Variants in SLC2A9 observed in about 807,000 individuals in gnomAD.
SLC2A9 encodes the protein solute carrier family 2, facilitated glucose transporter member 9.
In SLC2A9, 39 loss-of-function variants were observed where a neutral mutation model predicts 50.6. That is an observed-to-expected ratio of 0.77 (90% CI 0.60 to 1.01). The LOEUF (loss-of-function observed/expected upper bound fraction) is 1.01. Among genes scored for constraint, SLC2A9 ranks in the 50% least tolerant of loss-of-function variants. The probability of loss-of-function intolerance (pLI) is 0.00; values close to 1 mark genes in which losing one functional copy is unlikely to be tolerated. For missense variants in SLC2A9, 686 were observed against 677.6 expected, an observed-to-expected ratio of 1.01 and a Z score of -0.14; for synonymous variants, 324 against 276.9, an observed-to-expected ratio of 1.17 and a Z score of -1.69.
intron 3 of SLC2A9, among the ~76,000 whole-genome samples, chr4:9,810,858 T>C (rs887340780): frequency 6.6e-6 from 1 of 152,228 alleles, no homozygotes; most frequent in African/African-American, 2.4e-5. Context: ...CAATGCCCTT[T>C]GACACCCTGA....
intron 4 of SLC2A9, among the ~76,000 whole-genome samples, chr4:9,982,189 A>T (rs765163708): frequency 1.3e-5 from 2 of 152,212 alleles, no homozygotes; most frequent in Non-Finnish European, 2.9e-5. Flanking sequence ...CCGGCTTTAA[A>T]TTCTTTATTA....
intron 11 of SLC2A9, among the ~76,000 whole-genome samples, chr4:9,829,708 A>G (rs1725747776): frequency 6.6e-6 from 1 of 152,206 alleles, no homozygotes; most frequent in South Asian, 2.1e-4. Context: ...CAAAGGACAC[A>G]CACAGATGCT....
intron 3 of SLC2A9, 135 bp from the exon 4 acceptor site, chr4:9,985,928 GGCCT>G: frequency 4.0e-6 from 5 of 1,261,148 alleles, no homozygotes; most frequent in Non-Finnish European, 4.5e-6. Context: ...AGGGAGCACT[GGCCT>G]TGCCACCTCT....
rs548964262 is a variant in SLC2A9 at position 9,820,201 on chromosome 4, T to C, written n.420+6219A>G. ...AGATATAGGTTGGAGTTTATTTTCTTAAACTATTTCAGAACCATTGTAGAA... is the reference window on the plus strand; with the variant it reads ...AGATATAGGTTGGAGTTTATTTTCTCAAACTATTTCAGAACCATTGTAGAA... On this transcript the variant is annotated intron_variant and non_coding_transcript_variant, in intron 3 of 3. Coordinates refer to the SLC2A9 transcript ENST00000503280. 2.6e-5 allele frequency among the ~76,000 whole-genome samples: 4 copies of C among 152,360 alleles called. No individual in the cohort carries two copies. The South Asian group carries it at 8.3e-4, about 32-fold the overall frequency.
chr4:9,975,897 C>T (rs1025948466), intron 5 of SLC2A9, among the ~76,000 whole-genome samples: 1 of 152,132 alleles, frequency 6.6e-6, no homozygotes, highest in African/African-American at 2.4e-5. Flanking sequence ...ACACATACAC[C>T]GTAGAATACT....
intron 10 of SLC2A9, among the ~76,000 whole-genome samples, chr4:9,836,088 C>CAAAAA (rs35303241): frequency 0.023 from 1,085 of 48,066 alleles, 20 homozygotes; most frequent in East Asian, 0.06. Context: ...AACTCCCTCT[C>CAAAAA]AAAAAAAAAA....
rs118093098 is a variant in SLC2A9, at chr4:9,908,995, T to C, written c.1003-650A>G. Among the ~76,000 whole-genome samples, 574 of 152,316 alleles carry C rather than the reference T, an allele frequency of 3.8e-3. 4 individuals are homozygous for C. Among genetic ancestry groups the C allele is most frequent in the South Asian group, 0.016 (79 of 4,826 alleles). On this transcript the variant is annotated intron_variant, in intron 7 of 11. Transcript: ENST00000264784. ...TTACTAGGTGACTTCAGAACAGCACTGCCATTAACCTCCATCGTAACTTTA... is the reference window on the plus strand; with the variant it reads ...TTACTAGGTGACTTCAGAACAGCACCGCCATTAACCTCCATCGTAACTTTA...
intron 5 of SLC2A9, among the ~76,000 whole-genome samples, chr4:9,954,553 G>A (rs1184557938): frequency 6.6e-6 from 1 of 152,222 alleles, no homozygotes; most frequent in Non-Finnish European, 1.5e-5. Flanking sequence ...TACATGCAGG[G>A]GGTGAGACCT....
chr4:9,861,010 A>G (rs1437875804), intron 10 of SLC2A9, among the ~76,000 whole-genome samples: 3 of 152,056 alleles, frequency 2.0e-5, no homozygotes, highest in East Asian at 3.9e-4. Context: ...CATTTTCTCC[A>G]TCATTCTCCT....
intron 10 of SLC2A9, among the ~76,000 whole-genome samples, chr4:9,872,200 C>T (rs1733553320): frequency 6.6e-6 from 1 of 152,106 alleles, no homozygotes; most frequent in African/African-American, 2.4e-5. Context: ...GGGACTTGTC[C>T]AACTTACTGT....
In SLC2A9 at chr4:9,963,117, G is replaced by A. The variant is rs184843205; in HGVS notation, c.681+17475C>T. ...TCTCACAATCATGGCCAAAGGCAAAGAAGGAGCAAAGTCACATGTTGCAAT... is the reference window on the plus strand; with the variant it reads ...TCTCACAATCATGGCCAAAGGCAAAAAAGGAGCAAAGTCACATGTTGCAAT... On this transcript the variant is annotated intron_variant, in intron 5 of 11. Transcript: ENST00000264784. 2.6e-3 allele frequency among the ~76,000 whole-genome samples: 402 copies of A among 152,298 alleles called. 1 individual carries two copies. The highest frequency in any genetic ancestry group is 3.1e-3 in the Non-Finnish European group (210 of 68,034).
chr4:9,945,287 G>A (rs115770226), intron 5 of SLC2A9, among the ~76,000 whole-genome samples: 2,680 of 152,322 alleles, frequency 0.018, 70 homozygotes, highest in African/African-American at 0.06. Context: ...TCTGTAAAAT[G>A]GGGACAGTGA....
At chr4:9,944,266 T>C (rs1232151464) in intron 5 of SLC2A9, among the ~76,000 whole-genome samples, 1 of 152,228 alleles carries the variant, frequency 6.6e-6, no homozygotes, top group Non-Finnish European at 1.5e-5. Context: ...TCCATGGCTC[T>C]TGGACTTGGC....
chr4:10,009,906 C>G (rs3796835), intron 2 of SLC2A9, among the ~76,000 whole-genome samples: 1 of 152,146 alleles, frequency 6.6e-6, no homozygotes, highest in African/African-American at 2.4e-5. Flanking sequence ...CAGTAGACAA[C>G]TGTATAATAA....
At chr4:9,863,361 G>T (rs1469786701) in intron 10 of SLC2A9, among the ~76,000 whole-genome samples, 1 of 151,862 alleles carries the variant, frequency 6.6e-6, no homozygotes, top group Non-Finnish European at 1.5e-5. Flanking sequence ...TGCCTAGGTT[G>T]GTCTTGAACT....
chr4:10,010,151 C>T (rs1314191106), intron 2 of SLC2A9, among the ~76,000 whole-genome samples: 1 of 152,180 alleles, frequency 6.6e-6, no homozygotes, highest in African/African-American at 2.4e-5. Context: ...AGATTGAGTT[C>T]AACCTTATGG....
chr4:9,938,088 G>A (rs1042133305), intron 6 of SLC2A9, among the ~76,000 whole-genome samples: 3 of 152,118 alleles, frequency 2.0e-5, no homozygotes, highest in Admixed American at 2.0e-4. Flanking sequence ...TGTTAAATAA[G>A]TGAATTAAAT....
At chr4:10,019,160 G>T (rs1560500069) in intron 1 of SLC2A9, 87 bp from the exon 2 acceptor site, 4 of 1,092,694 alleles carry the variant, frequency 3.7e-6, no homozygotes, top group South Asian at 1.3e-5. Context: ...TCAGCTGGGG[G>T]AGGCCTTCCG....
At chr4:9,921,813 G>C (rs112390769) in intron 6 of SLC2A9, among the ~76,000 whole-genome samples, 158 of 152,322 alleles carry the variant, frequency 1.0e-3, no homozygotes, top group African/African-American at 3.7e-3. Context: ...AGTTCAAAAT[G>C]CAACATCTAT....
Sources: allele counts gnomAD v4.1 joint callset (sites outside exome capture counted in the v4.1 genomes callset), GRCh38; gene constraint gnomAD v4.1.1; transcripts MANE v1.5; gene names NCBI Gene and HGNC (gene_info 2026-07-23, HGNC 2026-07-21).